The following CDH2 variants were observed in gnomAD, a reference collection of about 807,000 sequenced individuals.
The protein encoded by CDH2 is cadherin 2.
A neutral mutation model predicts 92.0 loss-of-function variants in CDH2; 17 were observed. The observed-to-expected ratio is 0.18, with a 90% CI of 0.13 to 0.28. The LOEUF (loss-of-function observed/expected upper bound fraction) is 0.28. Ranked by LOEUF, CDH2 falls within the 10% of genes least tolerant of loss-of-function variation. The pLI is 1.00. For missense variants in CDH2, 862 were observed against 1,133.1 expected, an observed-to-expected ratio of 0.76 and a Z score of 3.44; for synonymous variants, 419 against 415.9, an observed-to-expected ratio of 1.01 and a Z score of -0.09.
intron 14 of CDH2, among the ~76,000 whole-genome samples, chr18:27,981,051 T>A (rs2012035042): frequency 6.6e-6 from 1 of 152,232 alleles, no homozygotes; most frequent in South Asian, 2.1e-4. Context: ...TCAGATTAGG[T>A]GACATTAAAT....
At chr18:27,986,701 A>G (rs2012245527) in intron 11 of CDH2, among the ~76,000 whole-genome samples, 1 of 152,144 alleles carries the variant, frequency 6.6e-6, no homozygotes, top group African/African-American at 2.4e-5. Context: ...TGGGGAGGGA[A>G]TAAGGAGGAA....
chr18:28,043,890 A>ATGT (rs2014013723), intron 2 of CDH2, among the ~76,000 whole-genome samples: 1 of 91,454 alleles, frequency 1.1e-5, no homozygotes, highest in Non-Finnish European at 2.2e-5. Context: ...AGAATCTCGG[A>ATGT]TTTTTTTTTT....
intron 2 of CDH2, among the ~76,000 whole-genome samples, chr18:28,075,026 A>G (rs1223113577): frequency 6.6e-6 from 1 of 152,114 alleles, no homozygotes; most frequent in East Asian, 1.9e-4. Context: ...TTGGGCTTCA[A>G]TTTCCTCATC....
chr18:28,168,399 CA>C (rs755465607), intron 1 of CDH2, among the ~76,000 whole-genome samples: 1 of 151,850 alleles, frequency 6.6e-6, no homozygotes, highest in South Asian at 2.1e-4. Flanking sequence ...GCAAAGTGTT[CA>C]AATATGGAAA....
intron 2 of CDH2, among the ~76,000 whole-genome samples, chr18:28,116,646 C>T (rs2015500539): frequency 6.6e-6 from 1 of 152,156 alleles, no homozygotes; most frequent in Non-Finnish European, 1.5e-5. Flanking sequence ...AGGTCACTGA[C>T]ATTCAAGGTT....
chr18:27,955,759 C>CTTTTTTTTTTTTTTTT (rs1219088194), intron 15 of CDH2, among the ~76,000 whole-genome samples: 6 of 25,954 alleles, frequency 2.3e-4, no homozygotes, highest in South Asian at 3.6e-3. Context: ...TTCTTTATTT[C>CTTTTTTTTTTTTTTTT]TGTTTTTTTT....
intron 15 of CDH2, among the ~76,000 whole-genome samples, chr18:27,955,148 T>A (rs1217869585): frequency 6.6e-6 from 1 of 152,108 alleles, no homozygotes; most frequent in Non-Finnish European, 1.5e-5. Context: ...ACAATTTAAT[T>A]ATTAAGCGAA....
At position 28,145,031 on chromosome 18, in the gene CDH2, C is replaced by T. The variant is rs17495015; in HGVS notation, c.172+2642G>A. 1.4e-3 allele frequency among the ~76,000 whole-genome samples: 216 copies of T among 152,162 alleles called. 1 individual carries two copies. Among genetic ancestry groups the T allele is most frequent in the Middle Eastern group, 6.8e-3 (2 of 294 alleles). ...GACAAATACCAACTTATGTCTCTACCTTACATTCAATGTTCCTCAAGCATT... is the reference window on the plus strand; with the variant it reads ...GACAAATACCAACTTATGTCTCTACTTTACATTCAATGTTCCTCAAGCATT... On this transcript the variant is annotated intron_variant, in intron 2 of 15. Transcript: ENST00000269141.
intron 2 of CDH2, 137 bp from the exon 3 acceptor site, chr18:28,014,046 T>A: frequency 1.6e-6 from 1 of 630,986 alleles, no homozygotes; most frequent in Non-Finnish European, 2.7e-6. Context: ...GTTTTATTTT[T>A]ATTTTATTAT....
intron 2 of CDH2, among the ~76,000 whole-genome samples, chr18:28,115,291 T>C (rs1472245879): frequency 6.6e-6 from 1 of 152,124 alleles, no homozygotes; most frequent in African/African-American, 2.4e-5. Flanking sequence ...CCACAAAAAA[T>C]GCCTTGTGGG....
chr18:28,072,053 G>C (rs1214478911), intron 2 of CDH2, among the ~76,000 whole-genome samples: 1 of 152,000 alleles, frequency 6.6e-6, no homozygotes, highest in African/African-American at 2.4e-5. Flanking sequence ...TCAAAACATA[G>C]CAATGTTTGA....
intron 6 of CDH2, among the ~76,000 whole-genome samples, chr18:27,940,036 T>C (rs1009428878): frequency 2.0e-5 from 3 of 152,198 alleles, no homozygotes; most frequent in Admixed American, 1.3e-4. Context: ...TTTCCTCAGG[T>C]ATCAGTTGAG....
chr18:27,940,718 A>G (rs184602184), intron 6 of CDH2, among the ~76,000 whole-genome samples: 18 of 152,350 alleles, frequency 1.2e-4, no homozygotes, highest in African/African-American at 3.8e-4. Flanking sequence ...AGGTTTGACA[A>G]TAGAAGAATC....
intron 2 of CDH2, among the ~76,000 whole-genome samples, chr18:28,107,889 A>G (rs1329920476): frequency 6.6e-6 from 1 of 152,118 alleles, no homozygotes; most frequent in Non-Finnish European, 1.5e-5. Context: ...AAAAAGAAAA[A>G]CACCCTCCCA....
intron 2 of CDH2, 54 bp downstream of exon 2, chr18:28,147,618 AT>A: frequency 9.0e-7 from 1 of 1,110,660 alleles, no homozygotes; most frequent in Non-Finnish European, 1.3e-6. Context: ...TTAATGGCTA[AT>A]TTGTTTCATG....
intron 2 of CDH2, among the ~76,000 whole-genome samples, chr18:28,084,025 C>A (rs2014880617): frequency 6.6e-6 from 1 of 152,146 alleles, no homozygotes; most frequent in Admixed American, 6.6e-5. Context: ...GAAGTCTGTC[C>A]TGGGTAGCCA....
intron 7 of CDH2, among the ~76,000 whole-genome samples, 177 bp downstream of exon 7, chr18:28,002,820 T>C (rs930055121): frequency 2.6e-4 from 39 of 152,212 alleles, no homozygotes; most frequent in Non-Finnish European, 8.8e-5. Context: ...TATATATACA[T>C]CATTTAACCA....
intron 4 of CDH2, among the ~76,000 whole-genome samples, chr18:28,011,416 T>A (rs939634718): frequency 1.8e-4 from 27 of 152,162 alleles, no homozygotes; most frequent in Admixed American, 1.5e-3. Context: ...ATGCATTTGG[T>A]GCTGGCATTT....
intron 2 of CDH2, among the ~76,000 whole-genome samples, chr18:28,020,308 A>G (rs1365792306): frequency 1.3e-5 from 2 of 152,088 alleles, no homozygotes; most frequent in Non-Finnish European, 2.9e-5. Context: ...TACTTAATTT[A>G]TAAGTTATAT....
Sources: gnomAD v4.1 joint callset for allele counts (sites outside exome capture counted in the v4.1 genomes callset) on GRCh38, gnomAD v4.1.1 for gene constraint, MANE v1.5 for transcripts, NCBI Gene and HGNC (gene_info 2026-07-23, HGNC 2026-07-21) for gene names.